The following RALGAPA1 variants were observed in gnomAD, a reference collection of about 807,000 sequenced individuals.
The protein encoded by RALGAPA1 is Ral GTPase activating protein catalytic subunit alpha 1.
In RALGAPA1, 52 loss-of-function variants were observed where a neutral mutation model predicts 269.6. The ratio of observed to expected loss-of-function variants is 0.19; its 90% CI spans 0.15 to 0.24. RALGAPA1 has a LOEUF of 0.24. Ranked by LOEUF, RALGAPA1 falls within the 10% of genes least tolerant of loss-of-function variation. The probability of loss-of-function intolerance (pLI) is 1.00; values close to 1 mark genes in which losing one functional copy is unlikely to be tolerated. For synonymous variants in RALGAPA1, 817 were observed against 1,008.3 expected, an observed-to-expected ratio of 0.81 and a Z score of 3.60; for missense variants, 1,917 against 3,013.9, an observed-to-expected ratio of 0.64 and a Z score of 8.52.
intron 22 of RALGAPA1, 54 bp downstream of exon 22, chr14:35,677,896 C>G: frequency 6.5e-7 from 1 of 1,528,534 alleles, no homozygotes; most frequent in Non-Finnish European, 9.0e-7. Context: ...TTATGATCTC[C>G]TGACACTGAC....
At chr14:35,655,675 A>G in intron 29 of RALGAPA1, 132 bp downstream of exon 29, 14 of 1,308,248 alleles carry the variant, frequency 1.1e-5, no homozygotes, top group Non-Finnish European at 1.4e-5. Flanking sequence ...ATGAGTCAGG[A>G]TCAAGAAAAT....
chr14:35,638,857 T>C (rs1323468121), intron 31 of RALGAPA1, among the ~76,000 whole-genome samples: 2 of 151,562 alleles, frequency 1.3e-5, no homozygotes, highest in East Asian at 1.9e-4. Context: ...ACCCAGGAGG[T>C]AGAGGTTGCA....
intron 16 of RALGAPA1, among the ~76,000 whole-genome samples, chr14:35,706,125 A>C (rs987882681): frequency 1.3e-5 from 2 of 152,346 alleles, no homozygotes; most frequent in African/African-American, 2.4e-5. Context: ...CTCACAAAGC[A>C]GAAGTTTTAA....
intron 37 of RALGAPA1, among the ~76,000 whole-genome samples, chr14:35,582,398 C>T (rs1018276164): frequency 1.3e-5 from 2 of 152,188 alleles, no homozygotes; most frequent in Non-Finnish European, 1.5e-5. Flanking sequence ...AAATGCCGAA[C>T]AAACTGAAAA....
At chr14:35,706,102 C>T (rs1168729203) in intron 16 of RALGAPA1, among the ~76,000 whole-genome samples, 1 of 152,172 alleles carries the variant, frequency 6.6e-6, no homozygotes. Flanking sequence ...GTTTCATTCC[C>T]TTAACAATGT....
At chr14:35,620,416 G>A (rs868064554) in intron 35 of RALGAPA1, among the ~76,000 whole-genome samples, 4 of 152,088 alleles carry the variant, frequency 2.6e-5, no homozygotes, top group South Asian at 2.1e-4. Context: ...TACTGAATGG[G>A]CAAAAACTGG....
intron 31 of RALGAPA1, among the ~76,000 whole-genome samples, chr14:35,637,237 T>A (rs1239598111): frequency 6.6e-6 from 1 of 152,094 alleles, no homozygotes; most frequent in Non-Finnish European, 1.5e-5. Flanking sequence ...AAGGCACCAA[T>A]GACCAATCCC....
intron 37 of RALGAPA1, among the ~76,000 whole-genome samples, chr14:35,574,563 T>C (rs1270650982): frequency 1.3e-5 from 2 of 152,190 alleles, no homozygotes; most frequent in African/African-American, 2.4e-5. Flanking sequence ...GTAATTATTT[T>C]AGGCTGTCAT....
intron 37 of RALGAPA1, among the ~76,000 whole-genome samples, chr14:35,573,349 T>G (rs2139490190): frequency 6.6e-6 from 1 of 152,308 alleles, no homozygotes; most frequent in South Asian, 2.1e-4. Context: ...AGTCTTAAGT[T>G]TTCTTCATAG....
chr14:35,665,699 C>T (rs1174742346), intron 26 of RALGAPA1, among the ~76,000 whole-genome samples: 1 of 152,106 alleles, frequency 6.6e-6, no homozygotes, highest in East Asian at 1.9e-4. Flanking sequence ...GCAGGGTGAA[C>T]TCATATCTAC....
chr14:35,736,820 G>C (rs2071039185), intron 12 of RALGAPA1, among the ~76,000 whole-genome samples: 1 of 152,186 alleles, frequency 6.6e-6, no homozygotes, highest in African/African-American at 2.4e-5. Flanking sequence ...CAGATCACTT[G>C]AGGTCAGGGG....
At chr14:35,699,866 C>A (rs1031080744) in intron 17 of RALGAPA1, among the ~76,000 whole-genome samples, 1 of 147,648 alleles carries the variant, frequency 6.8e-6, no homozygotes, top group Non-Finnish European at 1.5e-5. Context: ...TTCTTTTAAC[C>A]ACCTGAGAGG....
chr14:35,590,482 T>C (rs2058568127), intron 37 of RALGAPA1, among the ~76,000 whole-genome samples: 1 of 152,192 alleles, frequency 6.6e-6, no homozygotes, highest in Non-Finnish European at 1.5e-5. Context: ...TTCCCTATGC[T>C]GTTCTAGTGG....
At chr14:35,616,931 G>T (rs897576823) in intron 35 of RALGAPA1, among the ~76,000 whole-genome samples, 5 of 152,074 alleles carry the variant, frequency 3.3e-5, no homozygotes, top group Admixed American at 2.0e-4. Flanking sequence ...TTGTTATGGA[G>T]AACAATCAGA....
At chr14:35,554,344 T>C (rs893920878) in intron 39 of RALGAPA1, among the ~76,000 whole-genome samples, 2 of 127,120 alleles carry the variant, frequency 1.6e-5, no homozygotes, top group Admixed American at 7.5e-5. Flanking sequence ...CTTTCTTTTT[T>C]TTTTTTTTTT....
chr14:35,645,054 C>G (rs2062303986), intron 31 of RALGAPA1, among the ~76,000 whole-genome samples: 1 of 152,156 alleles, frequency 6.6e-6, no homozygotes. Flanking sequence ...TTATTCCTCA[C>G]AGTTCTGAAA....
chr14:35,754,950 T>C (rs2073043526), intron 7 of RALGAPA1, among the ~76,000 whole-genome samples: 1 of 152,210 alleles, frequency 6.6e-6, no homozygotes, highest in Non-Finnish European at 1.5e-5. Flanking sequence ...CCTATGATTA[T>C]ATTTACATAA....
In RALGAPA1 at chr14:35,610,314, G is replaced by A. The variant is rs1338259258; in HGVS notation, c.6930-4605C>T. ...TTTTTTTTTTTTGAGATGGAGTCTC[G>A]CTCTCTCGCCCAGGCTGGAGTGCAG... On this transcript the variant is annotated intron_variant, in intron 35 of 41. Coordinates refer to ENST00000680220, the MANE Select transcript of RALGAPA1 (RefSeq NM_001346249.2). 9.6e-5 allele frequency among the ~76,000 whole-genome samples: 14 copies of A among 146,452 alleles called. No individual in the cohort carries two copies. The East Asian group carries it at 9.9e-4, about 10-fold the overall frequency.
chr14:35,543,703 C>T (rs1382586202), intron 41 of RALGAPA1, among the ~76,000 whole-genome samples: 6 of 152,128 alleles, frequency 3.9e-5, no homozygotes, highest in Admixed American at 2.6e-4. Context: ...AGTGCAGTGG[C>T]GCGATTTCAG....
Sources: gnomAD v4.1 joint callset for allele counts (sites outside exome capture counted in the v4.1 genomes callset) on GRCh38, gnomAD v4.1.1 for gene constraint, MANE v1.5 for transcripts, NCBI Gene and HGNC (gene_info 2026-07-23, HGNC 2026-07-21) for gene names.